ITGBL1: variants seen among roughly 807,000 people sequenced by gnomAD.
ITGBL1 encodes the protein integrin beta-like protein 1.
Under a neutral mutation model 68.5 loss-of-function variants are expected in ITGBL1, and 51 were observed. The observed-to-expected ratio is 0.74, with a 90% CI of 0.59 to 0.94. The LOEUF (loss-of-function observed/expected upper bound fraction) is 0.94, where lower values mean the gene tolerates loss of function less well. Ranked by LOEUF, ITGBL1 falls within the 40% of genes least tolerant of loss-of-function variation. ITGBL1 has a pLI of 0.00. For missense variants in ITGBL1, 649 were observed against 647.4 expected (o/e 1.00, Z -0.03); for synonymous variants, 209 against 227.3 (o/e 0.92, Z 0.72).
chr13:101,668,174 G>A (rs1002302483), intron 7 of ITGBL1, among the ~76,000 whole-genome samples: 2 of 152,072 alleles, frequency 1.3e-5, no homozygotes, highest in African/African-American at 4.8e-5. Context: ...GATCACCTGA[G>A]GTCAAGAGTT....
In ITGBL1 at chr13:101,603,925, T is replaced by C. The variant is rs377756090; in HGVS notation, c.1015+5626T>C. Among the ~76,000 whole-genome samples the C allele has an allele frequency of 2.6e-5, 4 of 151,934 alleles. No individual in the cohort carries two copies. The East Asian group carries it at 7.7e-4, about 29-fold the overall frequency. ...GTGATCTGATATCTTAAAACATTATTTAAAGGGTTTACATTTGGTAAAATT... is the reference window on the plus strand; with the variant it reads ...GTGATCTGATATCTTAAAACATTATCTAAAGGGTTTACATTTGGTAAAATT... On this transcript the variant is annotated intron_variant, in intron 7 of 10. Transcript: ENST00000376180.
At chr13:101,717,369 G>A (rs866544016), downstream of ITGBL1, 4 of 152,084 alleles carry the variant, frequency 2.6e-5, no homozygotes, top group South Asian at 6.2e-4. Context: ...TATTGAGTAC[G>A]TAAATTGATA....
intron 7 of ITGBL1, among the ~76,000 whole-genome samples, chr13:101,605,977 T>C (rs1212385296): frequency 3.4e-5 from 5 of 147,056 alleles, no homozygotes; most frequent in African/African-American, 1.2e-4. Flanking sequence ...TATATGCATA[T>C]ATGTGTATAT....
At chr13:101,658,001 G>C (rs2032979835) in intron 7 of ITGBL1, among the ~76,000 whole-genome samples, 1 of 152,058 alleles carries the variant, frequency 6.6e-6, no homozygotes, top group African/African-American at 2.4e-5. Context: ...TCCAAAAAAT[G>C]GTCTACTTAC....
chr13:101,606,594 T>C (rs1049172471), intron 7 of ITGBL1, among the ~76,000 whole-genome samples: 1 of 9,986 alleles, frequency 1.0e-4, no homozygotes. Flanking sequence ...GAGCATCAGT[T>C]TGACTTTGGT....
intron 10 of ITGBL1, chr13:101,715,179 C>T (rs778061299): frequency 9.2e-5 from 17 of 184,226 alleles, no homozygotes; most frequent in African/African-American, 2.1e-4. Context: ...ATCCTTACTA[C>T]GTAAGACTCT....
rs202143219 is a variant in ITGBL1, at chr13:101,524,905, G to A, written c.317-42794G>A. 1.5e-4 allele frequency among the ~76,000 whole-genome samples: 23 copies of A among 152,126 alleles called. No individual in the cohort carries two copies. The East Asian group carries it at 3.5e-3, about 23-fold the overall frequency. On this transcript the variant is annotated intron_variant, in intron 2 of 10. Transcript: ENST00000376180. ...ATGTAGAGGTAATCACAGATGCATC[G>A]GCTCAACACTGCTTTTGGAGGGCTG...
intron 7 of ITGBL1, among the ~76,000 whole-genome samples, chr13:101,686,377 G>A (rs1251088664): frequency 6.6e-6 from 1 of 152,118 alleles, no homozygotes; most frequent in Non-Finnish European, 1.5e-5. Flanking sequence ...ATTATGCTGA[G>A]ATAATTTTTG....
chr13:101,683,358 G>A (rs749456410), intron 7 of ITGBL1, among the ~76,000 whole-genome samples: 5 of 151,872 alleles, frequency 3.3e-5, no homozygotes, highest in South Asian at 2.1e-4. Flanking sequence ...CTGAGTTCTC[G>A]CACTCTACAT....
At chr13:101,557,362 T>C (rs1414030659) in intron 2 of ITGBL1, among the ~76,000 whole-genome samples, 1 of 152,218 alleles carries the variant, frequency 6.6e-6, no homozygotes, top group Non-Finnish European at 1.5e-5. Flanking sequence ...TACATACATA[T>C]GTGAATACAT....
At chr13:101,536,175 ACT>A (rs1345995844) in intron 2 of ITGBL1, among the ~76,000 whole-genome samples, 1 of 151,850 alleles carries the variant, frequency 6.6e-6, no homozygotes, top group Non-Finnish European at 1.5e-5. Flanking sequence ...TTTTAAAAGG[ACT>A]CTGCGTGGCA....
At position 101,706,879 on chromosome 13, in the gene ITGBL1, A is replaced by T; in HGVS notation, c.1256A>T (p.Asp419Val). Reference sequence around the variant, plus strand: ...AGCAAGAATCTGTGTGAATCAGCAGATGGCATATTGTGCTCGGGGAAGGGT... The same window carrying T: ...AGCAAGAATCTGTGTGAATCAGCAGTTGGCATATTGTGCTCGGGGAAGGGT... ...EQSKNLCESA[D>V]GILCSGKGSC... The change falls in exon 9 of 11, where the codon GAT (aspartate) becomes GTT (valine). Residue 419 changes from aspartate (D) to valine (V), a missense_variant. Asp to Val is a radical substitution (Grantham distance 152, BLOSUM62 -3). Coordinates refer to ENST00000376180, the MANE Select transcript of ITGBL1 (RefSeq NM_004791.3). 1 of 1,614,138 alleles carries T rather than the reference A, an allele frequency of 6.2e-7. No homozygotes were observed. The highest frequency in any genetic ancestry group is 8.5e-7 in the Non-Finnish European group (1 of 1,179,992).
intron 6 of ITGBL1, among the ~76,000 whole-genome samples, chr13:101,596,681 A>G (rs1265117170): frequency 6.6e-6 from 1 of 152,184 alleles, no homozygotes; most frequent in Non-Finnish European, 1.5e-5. Flanking sequence ...GTGAGACCTT[A>G]ATAAATAGCG....
chr13:101,559,304 A>T (rs1326630628), intron 2 of ITGBL1, among the ~76,000 whole-genome samples: 1 of 152,194 alleles, frequency 6.6e-6, no homozygotes, highest in Non-Finnish European at 1.5e-5. Flanking sequence ...TTGAGGATAT[A>T]GTATGGGATT....
chr13:101,597,790 G>A (rs2030076759), intron 6 of ITGBL1, among the ~76,000 whole-genome samples: 1 of 151,948 alleles, frequency 6.6e-6, no homozygotes, highest in Admixed American at 6.6e-5. Flanking sequence ...CTGACCTCGT[G>A]ATCTTCCCTC....
chr13:101,597,676 C>A (rs1366795283), intron 6 of ITGBL1, among the ~76,000 whole-genome samples: 1 of 152,002 alleles, frequency 6.6e-6, no homozygotes, highest in East Asian at 1.9e-4. Flanking sequence ...CCTCAGCCCC[C>A]TAAGTAGCTG....
At chr13:101,521,925 T>A (rs2049291869) in intron 2 of ITGBL1, among the ~76,000 whole-genome samples, 1 of 151,900 alleles carries the variant, frequency 6.6e-6, no homozygotes, top group Non-Finnish European at 1.5e-5. Context: ...GCTGTTAGGA[T>A]TGGCTCTAGG....
At chr13:101,691,878 T>C (rs2033888848) in intron 7 of ITGBL1, among the ~76,000 whole-genome samples, 1 of 152,164 alleles carries the variant, frequency 6.6e-6, no homozygotes, top group South Asian at 2.1e-4. Context: ...GAAAATGAAA[T>C]GATGTCATGC....
intron 2 of ITGBL1, among the ~76,000 whole-genome samples, chr13:101,494,005 T>A (rs6491631): frequency 0.47 from 71,828 of 152,060 alleles, 17,529 homozygotes; most frequent in Non-Finnish European, 0.5. Flanking sequence ...CCTTTCAATA[T>A]CATTTATCAG....
Sources: allele counts gnomAD v4.1 joint callset (sites outside exome capture counted in the v4.1 genomes callset), GRCh38; gene constraint gnomAD v4.1.1; transcripts MANE v1.5; gene names NCBI Gene and HGNC (gene_info 2026-07-23, HGNC 2026-07-21).